CACNA1D: variants seen among roughly 807,000 people sequenced by gnomAD.
The protein encoded by CACNA1D is calcium voltage-gated channel subunit alpha1 D.
A neutral mutation model predicts 257.1 loss-of-function variants in CACNA1D; 55 were observed. The observed-to-expected ratio is 0.21, with a 90% CI of 0.17 to 0.27. The LOEUF is 0.27. Among genes scored for constraint, CACNA1D ranks in the 10% least tolerant of loss-of-function variants. CACNA1D has a pLI of 1.00. For synonymous variants in CACNA1D, 980 were observed against 1,014.9 expected (o/e 0.97, Z 0.65); for missense variants, 1,876 against 2,784.0 (o/e 0.67, Z 7.34).
chr3:53,744,269 G>A (rs1415087527), intron 22 of CACNA1D, among the ~76,000 whole-genome samples: 1 of 150,116 alleles, frequency 6.7e-6, no homozygotes, highest in Admixed American at 6.7e-5. Context: ...CCCTGGCTGA[G>A]CACACCACAT....
chr3:53,802,487 T>C (rs1181130766), intron 43 of CACNA1D, among the ~76,000 whole-genome samples: 1 of 152,226 alleles, frequency 6.6e-6, no homozygotes, highest in Non-Finnish European at 1.5e-5. Context: ...CCTCAGCCTG[T>C]GTGGCTGGCA....
At chr3:53,744,542 G>C (rs1253722663) in intron 22 of CACNA1D, among the ~76,000 whole-genome samples, 198 bp from the exon 23 acceptor site, 1 of 152,188 alleles carries the variant, frequency 6.6e-6, no homozygotes, top group Admixed American at 6.5e-5. Flanking sequence ...CATGGGCTGG[G>C]CTTGGGAGGT....
intron 3 of CACNA1D, among the ~76,000 whole-genome samples, chr3:53,549,165 G>A: frequency 6.6e-6 from 1 of 152,256 alleles, no homozygotes; most frequent in Non-Finnish European, 1.5e-5. Flanking sequence ...GCTACTGTGG[G>A]GTTTAGCTCT....
At chr3:53,733,057 T>C in intron 19 of CACNA1D, 95 bp downstream of exon 19, 3 of 1,253,888 alleles carry the variant, frequency 2.4e-6, no homozygotes, top group Non-Finnish European at 2.3e-6. Flanking sequence ...GGGGAAGTGG[T>C]TCACAGCCCT....
chr3:53,807,240 T>C (rs1025288827), intron 45 of CACNA1D, among the ~76,000 whole-genome samples: 1 of 152,204 alleles, frequency 6.6e-6, no homozygotes, highest in Non-Finnish European at 1.5e-5. Flanking sequence ...AGCCCGGCCA[T>C]TCGATCTGGA....
chr3:53,666,803 C>T (rs191770155), intron 7 of CACNA1D, among the ~76,000 whole-genome samples: 49 of 152,286 alleles, frequency 3.2e-4, no homozygotes, highest in Non-Finnish European at 5.9e-5. Flanking sequence ...GCCAAGGGTG[C>T]CCAGTGGTCC....
At position 53,750,128 on chromosome 3, in the gene CACNA1D, C is replaced by A. The variant is rs549123108; in HGVS notation, c.3516+659C>A. Among the ~76,000 whole-genome samples the A allele has an allele frequency of 2.0e-4, 31 of 152,334 alleles. 1 individual carries two copies. Among genetic ancestry groups the A allele is most frequent in the South Asian group, 1.2e-3 (6 of 4,826 alleles). On this transcript the variant is annotated intron_variant, in intron 27 of 47. Transcript: ENST00000350061. ...TTTGGGACTAAGATTGTATTGGCATCATTCTTGATCTGACACCGTGTTTTA... is the reference window on the plus strand; with the variant it reads ...TTTGGGACTAAGATTGTATTGGCATAATTCTTGATCTGACACCGTGTTTTA...
chr3:53,575,121 C>G (rs1017886842), intron 3 of CACNA1D, among the ~76,000 whole-genome samples: 18 of 152,210 alleles, frequency 1.2e-4, no homozygotes, highest in Non-Finnish European at 2.1e-4. Flanking sequence ...TGGGTGTAGG[C>G]CGGACCCTAG....
rs907346765 is a variant in CACNA1D at position 53,578,615 on chromosome 3, C to T, written c.484-72164C>T. ...ATGATGATTCCTGGGTTTCTGGAGG[C>T]GGAGGTCTACAAGGAGGGTGGTGCA... is the stretch of plus-strand genomic sequence containing the variant. On this transcript the variant is annotated intron_variant, in intron 3 of 47. Coordinates refer to ENST00000350061, the MANE Select transcript of CACNA1D (RefSeq NM_001128840.3). Among the ~76,000 whole-genome samples the T allele has an allele frequency of 9.9e-5, 15 of 151,922 alleles. 1 individual carries two copies. Among genetic ancestry groups the T allele is most frequent in the South Asian group, 2.1e-4 (1 of 4,828 alleles).
intron 3 of CACNA1D, among the ~76,000 whole-genome samples, chr3:53,598,983 G>A (rs1177894698): frequency 1.4e-5 from 2 of 147,234 alleles, no homozygotes; most frequent in Non-Finnish European, 3.0e-5. Flanking sequence ...AGTAAGTTTT[G>A]GTGGAACAAG....
intron 3 of CACNA1D, among the ~76,000 whole-genome samples, chr3:53,555,460 G>GTTT (rs372133749): frequency 0.018 from 1,397 of 78,354 alleles, 83 homozygotes; most frequent in Admixed American, 0.024. Flanking sequence ...GTGTGTGTGT[G>GTTT]TTTTTTTTTT....
chr3:53,581,812 G>T (rs1160431079), intron 3 of CACNA1D, among the ~76,000 whole-genome samples: 4 of 152,202 alleles, frequency 2.6e-5, no homozygotes, highest in African/African-American at 9.6e-5. Flanking sequence ...GCACATGCAA[G>T]AAGGCCCATC....
In CACNA1D at chr3:53,813,424, C is replaced by CTT. The variant is rs982832717; in HGVS notation, c.*2019_*2020dup. ...GGGCAGCTCTGAAATTATGGATATT[C>CTT]TTATCCTCCTGGTTCCTTCGGTGCC... On this transcript the variant is annotated 3_prime_UTR_variant, in exon 48 of 48. Transcript: ENST00000350061. 1.3e-5 allele frequency: 2 copies of CTT among 152,226 alleles called. No homozygotes were observed. The highest frequency in any genetic ancestry group is 2.9e-5 in the Non-Finnish European group (2 of 68,048). The allele number at this position is 152,226 out of a possible 1,614,324, so 9.4% of individuals were successfully genotyped here. A position where few individuals can be genotyped will look rare whatever the true frequency, so the allele number is the denominator to read the frequency against.
rs139275769 is a variant in CACNA1D at position 53,541,253 on chromosome 3, A to G, written c.483+39533A>G. ...TAATTCATGTAAAATAGCAGTTCATACAGCCTAAATTAGGAGGTCTAACTG... is the reference window on the plus strand; with the variant it reads ...TAATTCATGTAAAATAGCAGTTCATGCAGCCTAAATTAGGAGGTCTAACTG... On this transcript the variant is annotated intron_variant, in intron 3 of 47. Coordinates refer to ENST00000350061, the MANE Select transcript of CACNA1D (RefSeq NM_001128840.3). Among the ~76,000 whole-genome samples the G allele has an allele frequency of 1.9e-3, 297 of 152,344 alleles. 1 individual carries two copies. Among genetic ancestry groups the G allele is most frequent in the African/African-American group, 6.6e-3 (274 of 41,596 alleles).
intron 12 of CACNA1D, among the ~76,000 whole-genome samples, chr3:53,722,942 C>T (rs949924702): frequency 6.6e-6 from 1 of 152,154 alleles, no homozygotes; most frequent in South Asian, 2.1e-4. Context: ...CAGTCAAACC[C>T]GTTTCCCTCT....
At chr3:53,699,412 G>T (rs2094600209) in intron 8 of CACNA1D, among the ~76,000 whole-genome samples, 1 of 152,204 alleles carries the variant, frequency 6.6e-6, no homozygotes, top group African/African-American at 2.4e-5. Flanking sequence ...TGTTTTCAAA[G>T]CCTTACTGAA....
At chr3:53,548,332 A>G (rs537591951) in intron 3 of CACNA1D, among the ~76,000 whole-genome samples, 2 of 145,436 alleles carry the variant, frequency 1.4e-5, no homozygotes, top group Admixed American at 6.9e-5. Flanking sequence ...GCTGAATTGT[A>G]TCCATTGTAA....
intron 30 of CACNA1D, among the ~76,000 whole-genome samples, chr3:53,766,563 T>C (rs916456934): frequency 6.6e-6 from 1 of 152,238 alleles, no homozygotes; most frequent in Non-Finnish European, 1.5e-5. Flanking sequence ...TTGATTTCAC[T>C]TGGGAACCTC....
At chr3:53,520,554 C>A (rs2091513495) in intron 3 of CACNA1D, among the ~76,000 whole-genome samples, 1 of 152,142 alleles carries the variant, frequency 6.6e-6, no homozygotes, top group Non-Finnish European at 1.5e-5. Flanking sequence ...TCACCTGAGG[C>A]CAGGAGTTCG....
Sources: gnomAD v4.1 joint callset for allele counts (sites outside exome capture counted in the v4.1 genomes callset) on GRCh38, gnomAD v4.1.1 for gene constraint, MANE v1.5 for transcripts, NCBI Gene and HGNC (gene_info 2026-07-23, HGNC 2026-07-21) for gene names.